Variants in DNAJC13 observed in about 807,000 individuals in gnomAD.
DNAJC13 encodes the protein dnaJ homolog subfamily C member 13.
Under a neutral mutation model 290.5 loss-of-function variants are expected in DNAJC13, and 75 were observed. The observed-to-expected ratio is 0.26, with a 90% CI of 0.21 to 0.31. DNAJC13 has a LOEUF of 0.31. Among genes scored for constraint, DNAJC13 ranks in the 10% least tolerant of loss-of-function variants. DNAJC13 has a pLI of 1.00. For synonymous variants in DNAJC13, 862 were observed against 892.0 expected (o/e 0.97, Z 0.60); for missense variants, 2,260 against 2,674.5 (o/e 0.85, Z 3.42).
Position 132,466,406 on chromosome 3 carries a change from T to A in DNAJC13, c.2064+12T>A, listed in dbSNP as rs1246329823. The A allele has an allele frequency of 6.4e-6, 10 of 1,562,706 alleles. No individual in the cohort carries two copies. ...TGAAAATAGCAATGGTAAATATGAC[T>A]GTCCCAAGTGTGCCTTTTTTAGGAG... On this transcript the variant is annotated intron_variant, in intron 19 of 55. Transcript: ENST00000260818.
chr3:132,456,963 C>A, intron 12 of DNAJC13, 131 bp downstream of exon 12: 1 of 1,071,510 alleles, frequency 9.3e-7, no homozygotes, highest in Non-Finnish European at 1.3e-6. Flanking sequence ...GTACTTTATT[C>A]ATGAGAAATG....
Position 132,525,289 on chromosome 3 carries a change from G to A in DNAJC13, c.6061-321G>A, listed in dbSNP as rs534153174. Among the ~76,000 whole-genome samples, 7 of 152,258 alleles carry A rather than the reference G, an allele frequency of 4.6e-5. No homozygotes were observed. The South Asian group carries it at 1.0e-3, about 23-fold the overall frequency. On this transcript the variant is annotated intron_variant, in intron 51 of 55. Transcript: ENST00000260818. ...TGGGAGGCAGAGGTTGTGGTGAGCC[G>A]AGATCGCGCCATTGCACTCCAGCCT...
intron 21 of DNAJC13, chr3:132,474,422 AG>A (rs1469017109): frequency 6.6e-6 from 1 of 151,992 alleles, no homozygotes; most frequent in East Asian, 1.9e-4. Context: ...TTGTATTTTT[AG>A]TAGAGATGGG....
intron 54 of DNAJC13, among the ~76,000 whole-genome samples, chr3:132,529,659 C>T (rs751368217): frequency 2.6e-5 from 4 of 151,890 alleles, no homozygotes; most frequent in Non-Finnish European, 5.9e-5. Flanking sequence ...TGGTGGCAGG[C>T]GCCTGTAGTC....
intron 2 of DNAJC13, 30 bp from the exon 3 acceptor site, chr3:132,446,439 TTAAAAC>T: frequency 6.6e-7 from 1 of 1,504,210 alleles, no homozygotes; most frequent in Non-Finnish European, 9.1e-7. Context: ...ATCTTTTTGT[TTAAAAC>T]TAAATTTAAG....
intron 42 of DNAJC13, among the ~76,000 whole-genome samples, chr3:132,506,030 A>G (rs1022928103): frequency 1.5e-5 from 2 of 136,480 alleles, no homozygotes; most frequent in Non-Finnish European, 3.1e-5. Context: ...CGGGTCTTAC[A>G]TGTCTGTACA....
intron 19 of DNAJC13, among the ~76,000 whole-genome samples, 189 bp from the exon 20 acceptor site, chr3:132,466,981 T>G (rs907647063): frequency 1.3e-5 from 2 of 152,224 alleles, no homozygotes; most frequent in Non-Finnish European, 2.9e-5. Context: ...AGAATCATCT[T>G]GAAACCTAAG....
At chr3:132,469,108 A>G (rs1934098540) in intron 20 of DNAJC13, among the ~76,000 whole-genome samples, 1 of 152,212 alleles carries the variant, frequency 6.6e-6, no homozygotes, top group African/African-American at 2.4e-5. Flanking sequence ...TGCCAGATAA[A>G]TGTTGGTCAA....
At chr3:132,446,847 G>A (rs140590010) in intron 3 of DNAJC13, among the ~76,000 whole-genome samples, 23 of 152,038 alleles carry the variant, frequency 1.5e-4, no homozygotes, top group Non-Finnish European at 2.2e-4. Context: ...AATTTATAAA[G>A]GCTTATACTT....
chr3:132,492,557 A>G lies in DNAJC13; in HGVS notation c.3767A>G (p.Tyr1256Cys), dbSNP rs1423488202. ...QLENELFCNI[Y>C]YLKQLCDTLR... ...GAAAATGAACTATTTTGTAATATTT[A>G]TTACCTCAAACAACTGTGTGATACA... is the stretch of plus-strand genomic sequence containing the variant. Residue 1256 changes from tyrosine (Y) to cysteine (C), a missense_variant, in exon 33 of 56, where the codon TAT (tyrosine) becomes TGT (cysteine). This residue lies in a region of DNAJC13 where 1,494 missense variants were observed against 1,693.7 expected (regional missense o/e 0.88). Transcript: ENST00000260818. The G allele has an allele frequency of 1.2e-6, 2 of 1,613,690 alleles. No individual in the cohort carries two copies. The highest frequency in any genetic ancestry group is 2.7e-5 in the African/African-American group (2 of 74,888).
chr3:132,460,479 G>C (rs1458336690), intron 14 of DNAJC13, 122 bp downstream of exon 14: 1 of 629,762 alleles, frequency 1.6e-6, no homozygotes, highest in African/African-American at 1.9e-5. Flanking sequence ...GGTCAGTATT[G>C]GTCACAGTTC....
intron 48 of DNAJC13, among the ~76,000 whole-genome samples, chr3:132,517,738 T>G (rs2107738571): frequency 6.6e-6 from 1 of 152,320 alleles, no homozygotes; most frequent in Non-Finnish European, 1.5e-5. Context: ...TTGTACACAT[T>G]GTGCCTCCAT....
intron 3 of DNAJC13, among the ~76,000 whole-genome samples, chr3:132,446,787 A>G (rs568522411): frequency 9.2e-5 from 14 of 152,184 alleles, no homozygotes; most frequent in African/African-American, 3.1e-4. Context: ...TGATGTTACT[A>G]TTAGTTGTGG....
chr3:132,449,379 T>A (rs753175783), intron 5 of DNAJC13, among the ~76,000 whole-genome samples: 10 of 152,142 alleles, frequency 6.6e-5, no homozygotes, highest in Non-Finnish European at 1.0e-4. Context: ...TCCTATATAG[T>A]GGTCTTGAGG....
At chr3:132,441,718 AC>A (rs1264246534) in intron 2 of DNAJC13, among the ~76,000 whole-genome samples, 3 of 152,216 alleles carry the variant, frequency 2.0e-5, no homozygotes, top group Admixed American at 6.5e-5. Flanking sequence ...TATGATGGCG[AC>A]CAGTATTTTT....
At chr3:132,537,287 A>G (rs1936623598) in intron 55 of DNAJC13, 1 of 453,688 alleles carries the variant, frequency 2.2e-6, no homozygotes, top group East Asian at 7.0e-5. Context: ...GTTTTGCTAA[A>G]TGCATGCCGC....
At chr3:132,435,877 C>T (rs946668785) in intron 2 of DNAJC13, among the ~76,000 whole-genome samples, 1 of 152,088 alleles carries the variant, frequency 6.6e-6, no homozygotes, top group African/African-American at 2.4e-5. Context: ...GATTTGTGAG[C>T]TTGTAAGTAA....
intron 1 of DNAJC13, among the ~76,000 whole-genome samples, chr3:132,431,256 T>C (rs1393008054): frequency 6.6e-6 from 1 of 152,364 alleles, no homozygotes; most frequent in African/African-American, 2.4e-5. Context: ...CAGACAAAAC[T>C]ACCTCTCTCT....
At chr3:132,523,233 T>C in intron 50 of DNAJC13, 34 bp downstream of exon 50, 2 of 1,610,376 alleles carry the variant, frequency 1.2e-6, no homozygotes, top group Non-Finnish European at 1.7e-6. Context: ...TCTTATTTTC[T>C]GTTGATTTAG....
Sources: allele counts gnomAD v4.1 joint callset (sites outside exome capture counted in the v4.1 genomes callset), GRCh38; gene constraint gnomAD v4.1.1; regional missense constraint gnomAD v4.1.1; transcripts MANE v1.5; gene names NCBI Gene and HGNC (gene_info 2026-07-23, HGNC 2026-07-21).